Variants in SNTG1 observed in about 807,000 individuals in gnomAD.
The protein encoded by SNTG1 is syntrophin gamma 1.
A neutral mutation model predicts 74.7 loss-of-function variants in SNTG1; 39 were observed. The ratio of observed to expected loss-of-function variants is 0.52; its 90% confidence interval spans 0.40 to 0.68. The LOEUF is 0.68. SNTG1 is among the 30% of genes least tolerant of loss of function. The pLI is 0.00. For missense variants in SNTG1, 685 were observed against 609.5 expected, an observed-to-expected ratio of 1.12 and a Z score of -1.30; for synonymous variants, 254 against 217.1, an observed-to-expected ratio of 1.17 and a Z score of -1.49.
intron 17 of SNTG1, among the ~76,000 whole-genome samples, chr8:50,732,066 T>A (rs2095514178): frequency 6.6e-6 from 1 of 152,008 alleles, no homozygotes; most frequent in African/African-American, 2.4e-5. Flanking sequence ...GGATTCATGC[T>A]TCATATTCAA....
At chr8:49,931,207 A>G (rs1016446642) in intron 1 of SNTG1, among the ~76,000 whole-genome samples, 1 of 152,244 alleles carries the variant, frequency 6.6e-6, no homozygotes, top group African/African-American at 2.4e-5. Context: ...AGGAACTCTC[A>G]TATTGCAGGT....
intron 13 of SNTG1, among the ~76,000 whole-genome samples, chr8:50,637,056 G>A (rs1305692570): frequency 6.6e-6 from 1 of 152,142 alleles, no homozygotes; most frequent in East Asian, 1.9e-4. Context: ...GGGAAGCCTT[G>A]CCTGAAAGTG....
chr8:50,658,497 A>C, intron 14 of SNTG1, 95 bp from the exon 15 acceptor site: 1 of 810,782 alleles, frequency 1.2e-6, no homozygotes, highest in Non-Finnish European at 1.9e-6. Context: ...CATCTGTGAA[A>C]GTTTTTTCTT....
At chr8:50,436,078 G>A (rs779982915) in intron 4 of SNTG1, among the ~76,000 whole-genome samples, 4 of 152,096 alleles carry the variant, frequency 2.6e-5, no homozygotes, top group Non-Finnish European at 2.9e-5. Context: ...TAGGCAAAAC[G>A]CTCTACAAAA....
intron 2 of SNTG1, among the ~76,000 whole-genome samples, chr8:50,321,470 C>T (rs2090526858): frequency 6.6e-6 from 1 of 151,944 alleles, no homozygotes; most frequent in Non-Finnish European, 1.5e-5. Flanking sequence ...ATTGGGTCTT[C>T]CCTTTTTATT....
rs530096377 is a variant in SNTG1, at chr8:49,926,565, C to T, written c.-103+14334C>T. ...AAAGAAAATGAGTCTAGACATAGAC[C>T]TTAACAGTATTGACAAAAATTAACT... On this transcript the variant is annotated intron_variant, in intron 1 of 18. Transcript: ENST00000642720. Among the ~76,000 whole-genome samples the T allele has an allele frequency of 3.3e-5, 5 of 152,002 alleles. No homozygotes were observed. In the South Asian group the frequency reaches 1.0e-3, roughly 32 times the overall value.
chr8:50,567,780 A>T (rs899893946), intron 12 of SNTG1, among the ~76,000 whole-genome samples: 6 of 152,146 alleles, frequency 3.9e-5, no homozygotes, highest in African/African-American at 7.2e-5. Context: ...ATTCATGTAA[A>T]GATTGTATAA....
chr8:50,456,827 G>C (rs929784877), intron 8 of SNTG1, among the ~76,000 whole-genome samples: 1 of 152,120 alleles, frequency 6.6e-6, no homozygotes, highest in African/African-American at 2.4e-5. Flanking sequence ...ATACATCTCA[G>C]AAGGCACACC....
rs780708593 is a variant in SNTG1 at position 50,543,277 on chromosome 8, G to T, written c.680+6469G>T. Among the ~76,000 whole-genome samples the T allele has an allele frequency of 9.9e-5, 15 of 152,260 alleles. No homozygotes were observed. In the South Asian group the frequency reaches 1.0e-3, roughly 11 times the overall value. On this transcript the variant is annotated intron_variant, in intron 11 of 18. Coordinates refer to ENST00000642720, the MANE Select transcript of SNTG1 (RefSeq NM_018967.5). ...GTGTATGGTGAGGGATAGGGCTCTA[G>T]TTTCATTCTTCTGCATATGGATCTT...
At chr8:50,335,731 C>T (rs2091117948) in intron 2 of SNTG1, among the ~76,000 whole-genome samples, 1 of 152,152 alleles carries the variant, frequency 6.6e-6, no homozygotes, top group Admixed American at 6.6e-5. Context: ...AACACTCTTA[C>T]ACCACCGCAT....
At chr8:50,624,336 AT>A (rs79237674) in intron 13 of SNTG1, among the ~76,000 whole-genome samples, 5 of 150,280 alleles carry the variant, frequency 3.3e-5, no homozygotes, top group Non-Finnish European at 7.4e-5. Context: ...AAAAAATTAT[AT>A]TTTTTTTCAA....
At chr8:50,343,010 C>T (rs2091363619) in intron 2 of SNTG1, among the ~76,000 whole-genome samples, 1 of 152,168 alleles carries the variant, frequency 6.6e-6, no homozygotes, top group Non-Finnish European at 1.5e-5. Context: ...TGGGATTTTA[C>T]TCCCAGGAAA....
intron 5 of SNTG1, among the ~76,000 whole-genome samples, chr8:50,446,379 C>CAAA (rs10679057): frequency 0.11 from 16,333 of 145,620 alleles, 951 homozygotes; most frequent in Middle Eastern, 0.17. Context: ...AATTTAAAAG[C>CAAA]AAAAAAAAAA....
At chr8:50,558,180 G>T (rs546628406) in intron 12 of SNTG1, among the ~76,000 whole-genome samples, 2 of 152,322 alleles carry the variant, frequency 1.3e-5, no homozygotes, top group South Asian at 4.1e-4. Context: ...AGAACCTTTA[G>T]ATAGAGGGTG....
chr8:49,969,384 A>AAT (rs1229721457), intron 1 of SNTG1, among the ~76,000 whole-genome samples: 10 of 116,152 alleles, frequency 8.6e-5, no homozygotes, highest in Admixed American at 1.1e-4. Context: ...TAATTCATTT[A>AAT]ATCTTTTTTT....
chr8:50,288,712 G>A (rs571474761), intron 2 of SNTG1, among the ~76,000 whole-genome samples: 1 of 152,080 alleles, frequency 6.6e-6, no homozygotes. Context: ...AAAAAGGATA[G>A]GATAAACAGA....
chr8:50,281,696 A>G (rs892014867), intron 2 of SNTG1, among the ~76,000 whole-genome samples: 2 of 152,186 alleles, frequency 1.3e-5, no homozygotes, highest in African/African-American at 4.8e-5. Flanking sequence ...TCTAATAGGT[A>G]TACTATAATT....
chr8:50,735,900 C>A (rs2131639833), intron 17 of SNTG1, among the ~76,000 whole-genome samples: 1 of 151,978 alleles, frequency 6.6e-6, no homozygotes, highest in Admixed American at 6.6e-5. Context: ...AAAGGGAAAC[C>A]CATCAGACTA....
Position 50,062,112 on chromosome 8 carries a change from C to T in SNTG1, c.-102-110449C>T, listed in dbSNP as rs371545506. 1.1e-4 allele frequency among the ~76,000 whole-genome samples: 17 copies of T among 152,224 alleles called. 1 individual carries two copies. Among genetic ancestry groups the T allele is most frequent in the East Asian group, 1.9e-4 (1 of 5,178 alleles). The stretch of plus-strand genomic sequence containing the variant: ...AGACTGGAGTACAGTGGTGCTATCT[C>T]GCCTCATTGCAACCTGCACTTCCTG... On this transcript the variant is annotated intron_variant, in intron 1 of 18. Coordinates refer to ENST00000642720, the MANE Select transcript of SNTG1 (RefSeq NM_018967.5).
Sources: allele counts gnomAD v4.1 joint callset (sites outside exome capture counted in the v4.1 genomes callset), GRCh38; gene constraint gnomAD v4.1.1; transcripts MANE v1.5; gene names NCBI Gene and HGNC (gene_info 2026-07-23, HGNC 2026-07-21).